Variants in ATP9B observed in about 807,000 individuals in gnomAD.
The protein encoded by ATP9B is probable phospholipid-transporting ATPase IIB.
Under a neutral mutation model 146.1 loss-of-function variants are expected in ATP9B, and 110 were observed. That is an observed-to-expected ratio of 0.75 (90% CI 0.65 to 0.88). The LOEUF (loss-of-function observed/expected upper bound fraction) is 0.88, where lower values mean the gene tolerates loss of function less well. ATP9B is among the 40% of genes least tolerant of loss of function. ATP9B has a pLI of 0.00. For synonymous variants in ATP9B, 604 were observed against 569.7 expected (o/e 1.06, Z -0.86); for missense variants, 1,499 against 1,496.4 (o/e 1.00, Z -0.03).
intron 13 of ATP9B, among the ~76,000 whole-genome samples, chr18:79,292,271 C>G (rs753397104): frequency 1.1e-4 from 16 of 152,186 alleles, no homozygotes; most frequent in Non-Finnish European, 2.1e-4. Context: ...GCAAAACTCT[C>G]TCTGTATGTG....
intron 12 of ATP9B, among the ~76,000 whole-genome samples, chr18:79,266,969 T>C (rs1258291780): frequency 6.6e-6 from 1 of 151,540 alleles, no homozygotes; most frequent in Non-Finnish European, 1.5e-5. Flanking sequence ...CATAAAAATA[T>C]TTTTTTTTCT....
At chr18:79,272,788 A>C (rs931005261) in intron 12 of ATP9B, among the ~76,000 whole-genome samples, 1 of 152,242 alleles carries the variant, frequency 6.6e-6, no homozygotes, top group Non-Finnish European at 1.5e-5. Context: ...TCTGTTATGC[A>C]TCATTCCTAA....
chr18:79,338,505 G>A (rs182439471), intron 19 of ATP9B, among the ~76,000 whole-genome samples: 1 of 152,328 alleles, frequency 6.6e-6, no homozygotes, highest in East Asian at 1.9e-4. Context: ...CAGCTGTGTG[G>A]TCCTTGGCAG....
intron 15 of ATP9B, among the ~76,000 whole-genome samples, chr18:79,319,682 T>C: frequency 6.6e-6 from 1 of 152,194 alleles, no homozygotes; most frequent in East Asian, 1.9e-4. Context: ...CTGAAGAATA[T>C]CTGTACCGTA....
rs138673063 is a variant in ATP9B at position 79,377,472 on chromosome 18, T to C, written c.*89T>C. 5.3e-6 allele frequency: 8 copies of C among 1,498,048 alleles called. No individual in the cohort carries two copies. Among genetic ancestry groups the C allele is most frequent in the Non-Finnish European group, 6.3e-6 (7 of 1,109,816 alleles). The allele number at this position is 1,498,048 out of a possible 1,614,324, so 92.8% of individuals were successfully genotyped here. A position where few individuals can be genotyped will look rare whatever the true frequency, so the allele number is the denominator to read the frequency against. ...TTGCCAGTGAACGCAGGGTTTGCCA[T>C]TGCTACCAAGCAAGCACCACAAGAA... is the stretch of plus-strand genomic sequence containing the variant. On this transcript the variant is annotated 3_prime_UTR_variant, in exon 30 of 30. Coordinates refer to ENST00000426216, the MANE Select transcript of ATP9B (RefSeq NM_198531.5).
intron 11 of ATP9B, among the ~76,000 whole-genome samples, chr18:79,230,356 A>G (rs1214149249): frequency 6.6e-6 from 1 of 152,206 alleles, no homozygotes; most frequent in Non-Finnish European, 1.5e-5. Flanking sequence ...CTAGTGAATG[A>G]ATTCAGCAAA....
chr18:79,277,274 T>C (rs2096322216), intron 13 of ATP9B, 78 bp downstream of exon 13: 1 of 1,536,494 alleles, frequency 6.5e-7, no homozygotes, highest in Non-Finnish European at 8.9e-7. Context: ...TATAGATATA[T>C]GTTTATGTGT....
chr18:79,111,619 G>C (rs1185829597), intron 3 of ATP9B, among the ~76,000 whole-genome samples: 1 of 152,204 alleles, frequency 6.6e-6, no homozygotes, highest in East Asian at 1.9e-4. Flanking sequence ...AGATCTCAGA[G>C]ATTGGCTAAG....
intron 13 of ATP9B, among the ~76,000 whole-genome samples, chr18:79,302,309 C>T (rs1231653187): frequency 6.6e-6 from 1 of 152,070 alleles, no homozygotes; most frequent in African/African-American, 2.4e-5. Context: ...AAGGTGAAAG[C>T]AGCACGTTGT....
chr18:79,176,336 C>T (rs144482988), intron 7 of ATP9B, among the ~76,000 whole-genome samples: 19 of 152,276 alleles, frequency 1.2e-4, no homozygotes, highest in Non-Finnish European at 2.2e-4. Context: ...GGCCTGAGAG[C>T]ATATGGTAAC....
At chr18:79,274,019 G>T (rs2096281728) in intron 12 of ATP9B, among the ~76,000 whole-genome samples, 2 of 152,138 alleles carry the variant, frequency 1.3e-5, no homozygotes, top group African/African-American at 2.4e-5. Flanking sequence ...GAAATGACAG[G>T]TACCTTTTTC....
At chr18:79,354,933 G>A (rs1568803848) in intron 25 of ATP9B, among the ~76,000 whole-genome samples, 1 of 152,226 alleles carries the variant, frequency 6.6e-6, no homozygotes, top group African/African-American at 2.4e-5. Context: ...CCAGCCAGAC[G>A]CCAGGGAAGG....
Position 79,330,023 on chromosome 18 carries a change from G to A in ATP9B, c.1947G>A (p.Thr649=), listed in dbSNP as rs34286681. ...RMGVIVRDES[T]AEITFYMKGA... ...TTGTTCTTTGATAGGATGAATCCACGGCAGAAATCACATTCTACATGAAGG... is the reference window on the plus strand; with the variant it reads ...TTGTTCTTTGATAGGATGAATCCACAGCAGAAATCACATTCTACATGAAGG... The change falls in exon 17 of 30, where the codon ACG becomes ACA. Residue 649 remains threonine (T), a synonymous_variant. Coordinates refer to ENST00000426216, the MANE Select transcript of ATP9B (RefSeq NM_198531.5). 1.3e-3 allele frequency: 2,101 copies of A among 1,613,928 alleles called. 13 individuals are homozygous for A. In the African/African-American group the frequency reaches 0.023, roughly 18 times the overall value.
At chr18:79,273,897 A>T (rs765080331) in intron 12 of ATP9B, among the ~76,000 whole-genome samples, 2 of 152,228 alleles carry the variant, frequency 1.3e-5, no homozygotes, top group Non-Finnish European at 2.9e-5. Context: ...AAACAGGTTC[A>T]TGTATCTTCC....
chr18:79,173,719 T>C (rs749956173), intron 7 of ATP9B: 1 of 456,092 alleles, frequency 2.2e-6, no homozygotes, highest in South Asian at 1.5e-5. Flanking sequence ...CAATCTTGAT[T>C]ACTGCAGCCA....
chr18:79,221,187 A>C (rs2095672970), intron 11 of ATP9B, among the ~76,000 whole-genome samples: 1 of 152,124 alleles, frequency 6.6e-6, no homozygotes, highest in Non-Finnish European at 1.5e-5. Flanking sequence ...TGCAAGTCCC[A>C]GTGCTCCCTG....
At chr18:79,225,521 T>A (rs2095719970) in intron 11 of ATP9B, among the ~76,000 whole-genome samples, 1 of 152,232 alleles carries the variant, frequency 6.6e-6, no homozygotes. Flanking sequence ...GGGACGTCCT[T>A]TCGAAACCAT....
At chr18:79,112,098 A>T (rs2093985740) in intron 3 of ATP9B, among the ~76,000 whole-genome samples, 2 of 152,214 alleles carry the variant, frequency 1.3e-5, no homozygotes, top group Admixed American at 1.3e-4. Context: ...ACTGATTTTG[A>T]GTCCCACACA....
intron 26 of ATP9B, among the ~76,000 whole-genome samples, chr18:79,369,055 A>G (rs560746093): frequency 5.9e-5 from 9 of 152,166 alleles, no homozygotes; most frequent in South Asian, 2.1e-4. Flanking sequence ...GCATCTGCCT[A>G]TAGGATCTTT....
Sources: allele counts gnomAD v4.1 joint callset (sites outside exome capture counted in the v4.1 genomes callset), GRCh38; gene constraint gnomAD v4.1.1; transcripts MANE v1.5; gene names NCBI Gene and HGNC (gene_info 2026-07-23, HGNC 2026-07-21).